Variants in GLIS3 observed in about 807,000 individuals in gnomAD.
GLIS3 encodes zinc finger protein GLIS3.
GLIS3 carries 53 observed loss-of-function variants against 78.6 expected under a neutral mutation model. That is an observed-to-expected ratio of 0.67 (90% CI 0.54 to 0.85). The LOEUF is 0.85. Ranked by LOEUF, GLIS3 falls within the 40% of genes least tolerant of loss-of-function variation. The probability of loss-of-function intolerance (pLI) is 0.00; values close to 1 mark genes in which losing one functional copy is unlikely to be tolerated. For synonymous variants in GLIS3, 684 were observed against 509.9 expected (o/e 1.34, Z -4.60); for missense variants, 1,703 against 1,231.1 (o/e 1.38, Z -5.74).
intron 6 of GLIS3, among the ~76,000 whole-genome samples, chr9:3,920,298 C>T (rs762032767): frequency 1.5e-4 from 23 of 152,146 alleles, no homozygotes; most frequent in Admixed American, 3.3e-4. Flanking sequence ...CCACTGTGCC[C>T]GGCCATTACT....
chr9:4,023,005 C>A (rs919801129), intron 4 of GLIS3, among the ~76,000 whole-genome samples: 10 of 152,062 alleles, frequency 6.6e-5, no homozygotes, highest in Admixed American at 5.2e-4. Context: ...GGTGATTTCA[C>A]GGAGGTACAC....
chr9:4,429,568 C>A, the GLIS3 span, among the ~76,000 whole-genome samples: 5 of 152,158 alleles, frequency 3.3e-5, no homozygotes, highest in African/African-American at 1.2e-4. Flanking sequence ...TCTCTTAATG[C>A]TAAGGTGATC....
In GLIS3 at chr9:4,133,731, T is replaced by C. The variant is rs185479064; in HGVS notation, c.389-7790A>G. The stretch of plus-strand genomic sequence containing the variant: ...TATTTATATTTTATTAAAGAACTTG[T>C]CTCTCATATGGTACCTTTCTGATAT... On this transcript the variant is annotated intron_variant, in intron 2 of 10. Transcript: ENST00000381971. Among the ~76,000 whole-genome samples the C allele has an allele frequency of 1.1e-3, 165 of 152,102 alleles. 1 individual carries two copies. Among genetic ancestry groups the C allele is most frequent in the Admixed American group, 0.011 (164 of 15,258 alleles).
At chr9:4,370,651 T>C in the GLIS3 span, among the ~76,000 whole-genome samples, 1 of 151,878 alleles carries the variant, frequency 6.6e-6, no homozygotes, top group Non-Finnish European at 1.5e-5. Flanking sequence ...ACATGCTATA[T>C]TTAATATGTA....
intron 6 of GLIS3, among the ~76,000 whole-genome samples, chr9:3,916,612 C>T (rs568444912): frequency 6.6e-6 from 1 of 152,192 alleles, no homozygotes; most frequent in East Asian, 1.9e-4. Context: ...CTGCATGGTG[C>T]CTGATTTATA....
At chr9:3,908,028 G>C (rs533731128) in intron 6 of GLIS3, among the ~76,000 whole-genome samples, 1 of 152,246 alleles carries the variant, frequency 6.6e-6, no homozygotes, top group Admixed American at 6.5e-5. Context: ...AATGAAAGTG[G>C]GGTGTTCTGA....
At chr9:4,426,346 T>G in the GLIS3 span, among the ~76,000 whole-genome samples, 5 of 152,296 alleles carry the variant, frequency 3.3e-5, no homozygotes, top group African/African-American at 1.2e-4. Flanking sequence ...GGTCTTCATC[T>G]GAAACTTAAG....
intron 3 of GLIS3, among the ~76,000 whole-genome samples, chr9:4,123,049 G>A (rs1832304876): frequency 6.6e-6 from 1 of 151,950 alleles, no homozygotes; most frequent in African/African-American, 2.4e-5. Context: ...CAAAGCTAAG[G>A]AAAAAGAGCT....
At chr9:4,061,362 A>G (rs1826642692) in intron 4 of GLIS3, among the ~76,000 whole-genome samples, 1 of 151,996 alleles carries the variant, frequency 6.6e-6, no homozygotes, top group South Asian at 2.1e-4. Context: ...GATGGTTTCC[A>G]GCTTCATCCA....
At chr9:4,000,431 A>C (rs1821050172) in intron 4 of GLIS3, among the ~76,000 whole-genome samples, 1 of 152,180 alleles carries the variant, frequency 6.6e-6, no homozygotes, top group Non-Finnish European at 1.5e-5. Flanking sequence ...CTAACAGATC[A>C]AGAATCATCT....
At chr9:4,375,761 G>T in the GLIS3 span, among the ~76,000 whole-genome samples, 4 of 152,204 alleles carry the variant, frequency 2.6e-5, no homozygotes, top group African/African-American at 9.6e-5. Context: ...ATAACAGTCA[G>T]TGCGAGTGGG....
intron 9 of GLIS3, among the ~76,000 whole-genome samples, chr9:3,845,376 A>G (rs80293935): frequency 0.028 from 4,236 of 152,252 alleles, 179 homozygotes; most frequent in African/African-American, 0.097. Flanking sequence ...ATACATAGAC[A>G]CAGTTATGTC....
chr9:4,326,618 G>C (rs573593862), intron 2 of GLIS3, among the ~76,000 whole-genome samples: 2 of 152,208 alleles, frequency 1.3e-5, no homozygotes, highest in East Asian at 1.9e-4. Context: ...GCGGATGGTG[G>C]TAATGACGGC....
At chr9:4,417,642 G>A in the GLIS3 span, among the ~76,000 whole-genome samples, 1 of 152,166 alleles carries the variant, frequency 6.6e-6, no homozygotes, top group Admixed American at 6.5e-5. Flanking sequence ...ATATCTTGTA[G>A]TGAAATTGCT....
chr9:4,310,104 T>C (rs1817324667), intron 3 of GLIS3, among the ~76,000 whole-genome samples: 1 of 149,034 alleles, frequency 6.7e-6, no homozygotes, highest in Admixed American at 6.7e-5. Context: ...CATATCAGGA[T>C]TCTGCTACAC....
At chr9:3,998,775 ATAT>A (rs1820922008) in intron 4 of GLIS3, among the ~76,000 whole-genome samples, 1 of 148,466 alleles carries the variant, frequency 6.7e-6, no homozygotes, top group Non-Finnish European at 1.5e-5. Flanking sequence ...ATAATATTAA[ATAT>A]TAATAATATT....
intron 4 of GLIS3, among the ~76,000 whole-genome samples, chr9:4,036,456 T>C (rs965708627): frequency 6.6e-6 from 1 of 152,144 alleles, no homozygotes; most frequent in Non-Finnish European, 1.5e-5. Context: ...ACAACTTGAA[T>C]TGAAAGCAAG....
the GLIS3 span, among the ~76,000 whole-genome samples, chr9:4,436,073 T>G: frequency 6.6e-6 from 1 of 152,260 alleles, no homozygotes; most frequent in Non-Finnish European, 1.5e-5. Context: ...AGCTCATTTG[T>G]GGCTCACAGC....
rs1045046241 is a variant in GLIS3, at chr9:4,241,198, T to G, written c.388+44840A>C. Among the ~76,000 whole-genome samples the G allele has an allele frequency of 2.0e-5, 3 of 151,980 alleles. No homozygotes were observed. The East Asian group carries it at 5.8e-4, about 29-fold the overall frequency. On this transcript the variant is annotated intron_variant, in intron 2 of 10. Coordinates refer to ENST00000381971, the MANE Select transcript of GLIS3 (RefSeq NM_001042413.2). ...CCAGACTGGATGAAGTGTGGTGGAG[T>G]AGACGTGAAAGGAAAGCAAAGGAAA...
Sources: allele counts gnomAD v4.1 joint callset (sites outside exome capture counted in the v4.1 genomes callset), GRCh38; gene constraint gnomAD v4.1.1; transcripts MANE v1.5; gene names NCBI Gene and HGNC (gene_info 2026-07-23, HGNC 2026-07-21).